Variants in HSPG2 observed in about 807,000 individuals in gnomAD.
HSPG2 encodes the protein heparan sulfate proteoglycan 2, also known as basement membrane-specific heparan sulfate proteoglycan core protein.
HSPG2 carries 278 observed loss-of-function variants against 526.6 expected under a neutral mutation model. The observed-to-expected ratio is 0.53, with a 90% confidence interval of 0.48 to 0.58. HSPG2 has a LOEUF of 0.58. HSPG2 is among the 20% of genes least tolerant of loss of function. HSPG2 has a pLI of 0.00. For synonymous variants in HSPG2, 2,465 were observed against 2,555.4 expected (o/e 0.96, Z 1.07); for missense variants, 5,354 against 6,099.5 (o/e 0.88, Z 4.07).
Position 21,874,603 on chromosome 1 carries a change from G to C in HSPG2, c.3528+13C>G. 6.2e-7 allele frequency: 1 copy of C among 1,613,922 alleles called. No individual in the cohort carries two copies. Among genetic ancestry groups the C allele is most frequent in the Non-Finnish European group, 8.5e-7 (1 of 1,179,920 alleles). Reference sequence around the variant, plus strand: ...CAGATTGCTGGGGTGGGCGGAAGGAGGGCGGGACTTACCTGGCAGGCACCT... The same window carrying C: ...CAGATTGCTGGGGTGGGCGGAAGGACGGCGGGACTTACCTGGCAGGCACCT... On this transcript the variant is annotated intron_variant, in intron 27 of 96. Transcript: ENST00000374695.
rs868149851 is a variant in HSPG2 at position 21,833,910 on chromosome 1, G to A, written c.10736C>T (p.Ser3579Leu). 6.3e-7 allele frequency: 1 copy of A among 1,589,358 alleles called. No homozygotes were observed. The highest frequency in any genetic ancestry group is 8.6e-7 in the Non-Finnish European group (1 of 1,167,424). The part of the protein sequence containing the change: ...LLLVQALPQI[S>L]MPQEVRVPAG... ...AGGCACACGGACTTCTTGGGGCATT[G>A]AGATCTGGGGCAAGGCTGAGAGGCA... Residue 3579 changes from serine (S) to leucine (L), a missense_variant, in exon 78 of 97, where the codon TCA becomes TTA. Transcript: ENST00000374695.
chr1:21,887,772 A>G lies in HSPG2; in HGVS notation c.704-98T>C, dbSNP rs1260603578. The G allele has an allele frequency of 1.0e-5, 16 of 1,561,490 alleles. No homozygotes were observed. In the East Asian group the frequency reaches 3.4e-4, roughly 33 times the overall value. ...CCAGGCCCACCCTGTACTCCCCAACACCACTCCCTGCCACCCCCTGCCTGG... is the reference window on the plus strand; with the variant it reads ...CCAGGCCCACCCTGTACTCCCCAACGCCACTCCCTGCCACCCCCTGCCTGG... On this transcript the variant is annotated intron_variant, in intron 7 of 96. Transcript: ENST00000374695. The surrounding 1 kb of genome is among the most constrained non-coding windows in gnomAD (Gnocchi z 5.0).
At position 21,904,339 on chromosome 1, in the gene HSPG2, C is replaced by G. The variant is rs1023485002; in HGVS notation, c.64-8029G>C. On this transcript the variant is annotated intron_variant, in intron 1 of 96. Transcript: ENST00000374695. This position sits in a 1 kb window ranked among gnomAD's most constrained non-coding sequence, Gnocchi z 4.4. The stretch of plus-strand genomic sequence containing the variant: ...CGGACCAGGTGGAGGGAAGGGCACA[C>G]GCTGAGGCCAGGGCTGGAGAGGGCA... 6.6e-6 allele frequency among the ~76,000 whole-genome samples: 1 copy of G among 152,098 alleles called. No individual in the cohort carries two copies. Among genetic ancestry groups the G allele is most frequent in the Non-Finnish European group, 1.5e-5 (1 of 68,016 alleles).
rs1286151707 is a variant in HSPG2, at chr1:21,854,303, G to A, written c.6329C>T (p.Ala2110Val). The change falls in exon 50 of 97, where the codon GCT becomes GTT. Residue 2110 changes from alanine (A) to valine (V), a missense_variant. Physicochemically the swap from Ala to Val is moderately conservative, Grantham distance 64 (BLOSUM62 0). Transcript: ENST00000374695. The part of the protein sequence containing the change: ...SRLRLPQVSP[A>V]DSGEYVCRVE... ...ACGGCACACATATTCTCCAGAATCA[G>A]CTGGTGAGACCTGGGGGAGCCGCAG... 2 of 1,573,418 alleles carry A rather than the reference G, an allele frequency of 1.3e-6. No homozygotes were observed. The highest frequency in any genetic ancestry group is 2.7e-5 in the African/African-American group (2 of 74,386).
chr1:21,911,025 C>T (rs1046545317), intron 1 of HSPG2, among the ~76,000 whole-genome samples: 1 of 152,176 alleles, frequency 6.6e-6, no homozygotes, highest in Non-Finnish European at 1.5e-5. Flanking sequence ...TGAAGAAAGG[C>T]AGTCGGAGAG....
At chr1:21,896,418 T>C in intron 1 of HSPG2, 108 bp from the exon 2 acceptor site, 2 of 1,361,726 alleles carry the variant, frequency 1.5e-6, no homozygotes, top group Non-Finnish European at 2.1e-6. Flanking sequence ...TCAGGCCCCT[T>C]AGTGGTTAAA....
At chr1:21,854,135 C>A in intron 50 of HSPG2, 58 bp downstream of exon 50, 1 of 1,508,966 alleles carries the variant, frequency 6.6e-7, no homozygotes, top group South Asian at 1.3e-5. Context: ...AAGCCACAGG[C>A]ATCTTCCTTG....
intron 1 of HSPG2, among the ~76,000 whole-genome samples, chr1:21,935,373 C>T (rs1644462036): frequency 6.6e-6 from 1 of 152,196 alleles, no homozygotes; most frequent in African/African-American, 2.4e-5. Flanking sequence ...TTACCGCCCA[C>T]CAGCCTGTGA....
rs1189141461 is a variant in HSPG2, at chr1:21,855,291, C to G, written c.5997+13G>C. On this transcript the variant is annotated intron_variant, in intron 47 of 96. Coordinates refer to ENST00000374695, the MANE Select transcript of HSPG2 (RefSeq NM_005529.7). ...TGTGGGCCTCCTCCTCCTGGGTGGG[C>G]CCATCTCCTCACCTGTGGTGGGAGG... 1 of 1,596,870 alleles carries G rather than the reference C, an allele frequency of 6.3e-7. No individual in the cohort carries two copies. The highest frequency in any genetic ancestry group is 8.5e-7 in the Non-Finnish European group (1 of 1,173,302).
At chr1:21,827,798 G>C in intron 91 of HSPG2, 65 bp downstream of exon 91, 6 of 1,488,654 alleles carry the variant, frequency 4.0e-6, no homozygotes, top group Non-Finnish European at 5.5e-6. Context: ...CAGAATTGAG[G>C]GTGTGGGGTA....
In HSPG2 at chr1:21,898,774, A is replaced by C. The variant is rs555313009; in HGVS notation, c.64-2464T>G. Among the ~76,000 whole-genome samples the C allele has an allele frequency of 1.6e-4, 24 of 152,304 alleles. No homozygotes were observed. The highest frequency in any genetic ancestry group is 5.8e-4 in the African/African-American group (24 of 41,572). ...CCTCAACCTGGTGGGGGGCTCTGTCAATGCCAATCCCCCTCTCATTGCAAC... is the reference window on the plus strand; with the variant it reads ...CCTCAACCTGGTGGGGGGCTCTGTCCATGCCAATCCCCCTCTCATTGCAAC... On this transcript the variant is annotated intron_variant, in intron 1 of 96. Transcript: ENST00000374695. This position sits in a 1 kb window ranked among gnomAD's most constrained non-coding sequence, Gnocchi z 4.0.
In HSPG2 at chr1:21,853,614, G is replaced by A. The variant is rs186120809; in HGVS notation, c.6440-544C>T. The A allele has an allele frequency of 1.8e-4, 31 of 171,936 alleles. No individual in the cohort carries two copies. The East Asian group carries it at 4.2e-3, about 23-fold the overall frequency. 10.7% of individuals were successfully genotyped at this position (171,936 alleles called of 1,614,324 possible). On this transcript the variant is annotated intron_variant, in intron 50 of 96. Coordinates refer to ENST00000374695, the MANE Select transcript of HSPG2 (RefSeq NM_005529.7). ...ACAAAAAATTAGCCGGCCTGGTGGC[G>A]GGTGTGCCTGTAGTCCTAGCTACTC...
chr1:21,876,708 T>A, intron 21 of HSPG2, 56 bp from the exon 22 acceptor site: 1 of 1,609,886 alleles, frequency 6.2e-7, no homozygotes. Flanking sequence ...TGCCTGGAGC[T>A]CTGGCCGAAT....
At chr1:21,932,448 C>T (rs554771519) in intron 1 of HSPG2, among the ~76,000 whole-genome samples, 14 of 152,144 alleles carry the variant, frequency 9.2e-5, no homozygotes, top group Non-Finnish European at 2.9e-5. Flanking sequence ...TTAAAACATT[C>T]GACAAAGATA....
intron 77 of HSPG2, among the ~76,000 whole-genome samples, chr1:21,834,219 G>C (rs2098016951): frequency 6.6e-6 from 1 of 152,240 alleles, no homozygotes; most frequent in African/African-American, 2.4e-5. Flanking sequence ...ACTAGGGGCA[G>C]TATAGGTAAG....
In HSPG2 at chr1:21,872,419, G is replaced by C; in HGVS notation, c.4030-42C>G. ...GAGGGGGCGTCAGCCTGAGCACCGG[G>C]GTGCCTTGGTGGGGGATGGGGCACG... On this transcript the variant is annotated intron_variant, in intron 32 of 96. Coordinates refer to ENST00000374695, the MANE Select transcript of HSPG2 (RefSeq NM_005529.7). The surrounding 1 kb of genome is among the most constrained non-coding windows in gnomAD (Gnocchi z 5.5). The C allele has an allele frequency of 6.6e-7, 1 of 1,526,008 alleles. No individual in the cohort carries two copies. Among genetic ancestry groups the C allele is most frequent in the Non-Finnish European group, 8.9e-7 (1 of 1,128,730 alleles). 94.5% of individuals were successfully genotyped at this position (1,526,008 alleles called of 1,614,324 possible).
At chr1:21,885,539 T>A in intron 9 of HSPG2, 88 bp from the exon 10 acceptor site, 2 of 1,514,610 alleles carry the variant, frequency 1.3e-6, no homozygotes. Context: ...CTTGCCCACA[T>A]AACCCACAGC....
chr1:21,863,817 G>A (rs1640014856), intron 37 of HSPG2, among the ~76,000 whole-genome samples: 1 of 152,114 alleles, frequency 6.6e-6, no homozygotes, highest in Non-Finnish European at 1.5e-5. Context: ...GACCTTCTGA[G>A]CAACAAAGTG....
rs2152681072 is a variant in HSPG2 at position 21,822,753 on chromosome 1, G to T, written c.*563C>A. On this transcript the variant is annotated 3_prime_UTR_variant, in exon 97 of 97. Coordinates refer to ENST00000374695, the MANE Select transcript of HSPG2 (RefSeq NM_005529.7). Reference sequence around the variant, plus strand: ...GGAGTCTGCCAGAGGAGGTGCCAGGGGCTGGGTGGAGGTGGGTGGGGGTGC... The same window carrying T: ...GGAGTCTGCCAGAGGAGGTGCCAGGTGCTGGGTGGAGGTGGGTGGGGGTGC... 6.1e-6 allele frequency: 1 copy of T among 163,124 alleles called. No individual in the cohort carries two copies. Among genetic ancestry groups the T allele is most frequent in the Non-Finnish European group, 1.3e-5 (1 of 74,616 alleles). The allele number at this position is 163,124 out of a possible 1,614,324, so 10.1% of individuals were successfully genotyped here.
Sources: gnomAD v4.1 joint callset for allele counts (sites outside exome capture counted in the v4.1 genomes callset) on GRCh38, gnomAD v4.1.1 for gene constraint, Gnocchi (gnomAD v3.1) non-coding constraint, MANE v1.5 for transcripts, NCBI Gene and HGNC (gene_info 2026-07-23, HGNC 2026-07-21) for gene names.